Variants in ABCA3 observed in about 807,000 individuals in gnomAD.
ABCA3 encodes the protein phospholipid-transporting ATPase ABCA3.
Under a neutral mutation model 172.8 loss-of-function variants are expected in ABCA3, and 88 were observed. The observed-to-expected ratio is 0.51, with a 90% CI of 0.43 to 0.61. The LOEUF (loss-of-function observed/expected upper bound fraction) is 0.61, where lower values mean the gene tolerates loss of function less well. Ranked by LOEUF, ABCA3 falls within the 20% of genes least tolerant of loss-of-function variation. The pLI is 0.00. For synonymous variants in ABCA3, 1,066 were observed against 983.8 expected (o/e 1.08, Z -1.56); for missense variants, 2,164 against 2,301.0 (o/e 0.94, Z 1.22).
At position 2,300,067 on chromosome 16, in the gene ABCA3, C is replaced by T. The variant is rs201157181; in HGVS notation, c.1549G>A (p.Glu517Lys). 324 of 1,613,684 alleles carry T rather than the reference C, an allele frequency of 2.0e-4. 1 individual carries two copies. The highest frequency in any genetic ancestry group is 9.8e-4 in the Admixed American group (59 of 59,948). Residue 517 changes from glutamate (E) to lysine (K), a missense_variant, in exon 13 of 33, where the codon GAG becomes AAG. Around this residue, in one of 3 missense-constraint regions of ABCA3, gnomAD observed 1,343 missense variants for 1,369.6 expected, o/e 0.98. Transcript: ENST00000301732. ...TCCTCTGGCTCGGCTTCAAAGTACTCGTTTCTGAGTGCTTTCTCGGGGTCA... is the reference window on the plus strand; with the variant it reads ...TCCTCTGGCTCGGCTTCAAAGTACTTGTTTCTGAGTGCTTTCTCGGGGTCA... ...DSDPEKALRN[E>K]YFEAEPEDLV...
At chr16:2,309,398 A>C (rs568751543) in intron 10 of ABCA3, among the ~76,000 whole-genome samples, 1 of 152,292 alleles carries the variant, frequency 6.6e-6, no homozygotes, top group Admixed American at 6.5e-5. Context: ...CACGCCTGGA[A>C]TATAGCGGGG....
In ABCA3 at chr16:2,292,129, C is replaced by T. The variant is rs764943188; in HGVS notation, c.2513+11G>A. On this transcript the variant is annotated intron_variant, in intron 19 of 32. Transcript: ENST00000301732. ...CCAGTCCTAGGTGGACGGAAATGCG[C>T]ATTTACTGACCGAAGGAAGACTTCC... 12 of 1,607,790 alleles carry T rather than the reference C, an allele frequency of 7.5e-6. No individual in the cohort carries two copies.
rs779114733 is a variant in ABCA3, at chr16:2,295,579, G to A, written c.2414+11C>T. 6.2e-7 allele frequency: 1 copy of A among 1,611,726 alleles called. No individual in the cohort carries two copies. Among genetic ancestry groups the A allele is most frequent in the Non-Finnish European group, 8.5e-7 (1 of 1,179,986 alleles). On this transcript the variant is annotated intron_variant, in intron 18 of 32. Coordinates refer to ENST00000301732, the MANE Select transcript of ABCA3 (RefSeq NM_001089.3). Reference sequence around the variant, plus strand: ...ATGTATACCTGTGCGTGCCCTCCCTGGGAGGCGTACCTGTGCGTGCTCTCT... The same window carrying A: ...ATGTATACCTGTGCGTGCCCTCCCTAGGAGGCGTACCTGTGCGTGCTCTCT...
At chr16:2,288,393 A>C (rs1170430986) in intron 20 of ABCA3, 64 bp from the exon 21 acceptor site, 19 of 1,507,392 alleles carry the variant, frequency 1.3e-5, no homozygotes, top group East Asian at 2.5e-5. Flanking sequence ...ACCCCCACCC[A>C]CCTGCGGCAG....
At chr16:2,310,958 TTTTC>T (rs2093705730) in intron 10 of ABCA3, among the ~76,000 whole-genome samples, 1 of 152,060 alleles carries the variant, frequency 6.6e-6, no homozygotes, top group Non-Finnish European at 1.5e-5. Context: ...CTATTTACTC[TTTTC>T]TTTCTTTTCT....
At chr16:2,309,300 T>C (rs1276153227) in intron 10 of ABCA3, among the ~76,000 whole-genome samples, 2 of 152,132 alleles carry the variant, frequency 1.3e-5, no homozygotes, top group Admixed American at 6.6e-5. Context: ...TGTTCATTCA[T>C]GCATTCGTCA....
chr16:2,284,656 C>T lies in ABCA3; in HGVS notation c.3703+123G>A. 3.2e-6 allele frequency: 4 copies of T among 1,244,456 alleles called. No homozygotes were observed. Among genetic ancestry groups the T allele is most frequent in the Non-Finnish European group, 4.5e-6 (4 of 883,456 alleles). 77.1% of individuals were successfully genotyped at this position (1,244,456 alleles called of 1,614,324 possible). A position where few individuals can be genotyped will look rare whatever the true frequency, so the allele number is the denominator to read the frequency against. On this transcript the variant is annotated intron_variant, in intron 24 of 32. Coordinates refer to ENST00000301732, the MANE Select transcript of ABCA3 (RefSeq NM_001089.3). This position sits in a 1 kb window ranked among gnomAD's most constrained non-coding sequence, Gnocchi z 5.9. ...GGCAGGGCCAGCTGGGGCAGAGGGGCTGGTGAGCATGAACTGGGCCCATTG... is the reference window on the plus strand; with the variant it reads ...GGCAGGGCCAGCTGGGGCAGAGGGGTTGGTGAGCATGAACTGGGCCCATTG...
intron 6 of ABCA3, 135 bp downstream of exon 6, chr16:2,324,269 G>C: frequency 7.7e-7 from 1 of 1,295,126 alleles, no homozygotes; most frequent in Non-Finnish European, 1.1e-6. Flanking sequence ...ACCCAAAGGA[G>C]TGACTGCTAT....
At chr16:2,293,180 T>C (rs2093674715) in intron 18 of ABCA3, among the ~76,000 whole-genome samples, 1 of 151,016 alleles carries the variant, frequency 6.6e-6, no homozygotes, top group Non-Finnish European at 1.5e-5. Flanking sequence ...ACCTCCAGAG[T>C]AGCTGGGACT....
At chr16:2,324,784 C>T (rs747333449) in intron 5 of ABCA3, among the ~76,000 whole-genome samples, 1 of 152,048 alleles carries the variant, frequency 6.6e-6, no homozygotes, top group Non-Finnish European at 1.5e-5. Context: ...CTGGAGGCTC[C>T]GGGTAGCGCC....
intron 12 of ABCA3, among the ~76,000 whole-genome samples, chr16:2,301,912 C>A (rs2093690079): frequency 6.6e-6 from 1 of 152,218 alleles, no homozygotes; most frequent in Non-Finnish European, 1.5e-5. Flanking sequence ...TGTAACACGT[C>A]CATAATGGCC....
chr16:2,310,495 G>A (rs1055007867), intron 10 of ABCA3, among the ~76,000 whole-genome samples: 17 of 151,464 alleles, frequency 1.1e-4, no homozygotes, highest in African/African-American at 4.1e-4. Context: ...GAGCAGCAGT[G>A]GTTTTTCCAA....
chr16:2,319,384 C>T lies in ABCA3; in HGVS notation c.873+197G>A, dbSNP rs550686316. On this transcript the variant is annotated intron_variant, in intron 8 of 32. Transcript: ENST00000301732. ...CCTATAGTCCCAACTACTCGGGAGGCTGAGGCAGGAGAATGGCGTGAACCC... is the reference window on the plus strand; with the variant it reads ...CCTATAGTCCCAACTACTCGGGAGGTTGAGGCAGGAGAATGGCGTGAACCC... 2.6e-5 allele frequency among the ~76,000 whole-genome samples: 4 copies of T among 151,928 alleles called. No homozygotes were observed. The South Asian group carries it at 6.2e-4, about 24-fold the overall frequency.
intron 10 of ABCA3, among the ~76,000 whole-genome samples, chr16:2,309,041 G>A (rs2093702479): frequency 6.6e-6 from 1 of 152,100 alleles, no homozygotes; most frequent in Non-Finnish European, 1.5e-5. Flanking sequence ...CGCCTCCTGG[G>A]TTCACGCCAT....
At chr16:2,319,054 C>T (rs1030610308) in intron 8 of ABCA3, among the ~76,000 whole-genome samples, 6 of 151,772 alleles carry the variant, frequency 4.0e-5, no homozygotes, top group Non-Finnish European at 7.4e-5. Context: ...AGATGAACAA[C>T]TGGGCAGCCT....
At chr16:2,324,383 C>T (rs778212024) in intron 6 of ABCA3, 21 bp downstream of exon 6, 39 of 1,574,320 alleles carry the variant, frequency 2.5e-5, no homozygotes, top group Admixed American at 7.3e-5. Flanking sequence ...TGTGACTGCT[C>T]GGCCCGGCCG....
intron 1 of ABCA3, among the ~76,000 whole-genome samples, chr16:2,340,220 T>A (rs1351398304): frequency 6.6e-6 from 1 of 152,040 alleles, no homozygotes; most frequent in Non-Finnish European, 1.5e-5. Flanking sequence ...ATCCACCTTC[T>A]GGGCGCACAC....
At chr16:2,282,378 T>G (rs932956537) in intron 26 of ABCA3, among the ~76,000 whole-genome samples, 1 of 152,158 alleles carries the variant, frequency 6.6e-6, no homozygotes, top group African/African-American at 2.4e-5. Flanking sequence ...GGATTACAGG[T>G]GTGAGCCACC....
chr16:2,281,711 A>G lies in ABCA3; in HGVS notation c.4036-202T>C, dbSNP rs2093655514. Among the ~76,000 whole-genome samples the G allele has an allele frequency of 6.6e-6, 1 of 152,220 alleles. No individual in the cohort carries two copies. On this transcript the variant is annotated intron_variant, in intron 26 of 32. Transcript: ENST00000301732. This position sits in a 1 kb window ranked among gnomAD's most constrained non-coding sequence, Gnocchi z 4.7. ...GTCTTACGGGGCTAAACTAGCATCC[A>G]GGAGACATAAACTATCTGAGGAAAA...
Sources: gnomAD v4.1 joint callset for allele counts (sites outside exome capture counted in the v4.1 genomes callset) on GRCh38, gnomAD v4.1.1 for gene constraint, gnomAD v4.1.1 regional missense constraint, Gnocchi (gnomAD v3.1) non-coding constraint, MANE v1.5 for transcripts, NCBI Gene and HGNC (gene_info 2026-07-23, HGNC 2026-07-21) for gene names.